Variants in ZNF704 observed in about 807,000 individuals in gnomAD.
ZNF704 encodes the protein zinc finger protein 704.
In ZNF704, 10 loss-of-function variants were observed where a neutral mutation model predicts 44.7. That is an observed-to-expected ratio of 0.22 (90% CI 0.14 to 0.38). The LOEUF (loss-of-function observed/expected upper bound fraction) is 0.38, where lower values mean the gene tolerates loss of function less well. ZNF704 is among the 10% of genes least tolerant of loss of function. ZNF704 has a pLI of 1.00. For synonymous variants in ZNF704, 211 were observed against 207.6 expected, an observed-to-expected ratio of 1.02 and a Z score of -0.14; for missense variants, 390 against 545.5, an observed-to-expected ratio of 0.71 and a Z score of 2.84.
At chr8:80,762,757 T>C (rs1807153392) in intron 2 of ZNF704, among the ~76,000 whole-genome samples, 1 of 152,198 alleles carries the variant, frequency 6.6e-6, no homozygotes, top group African/African-American at 2.4e-5. Context: ...ATTAACTCAA[T>C]GTCCAAGTCC....
chr8:80,829,798 G>C (rs1808438264), intron 1 of ZNF704, among the ~76,000 whole-genome samples: 1 of 152,070 alleles, frequency 6.6e-6, no homozygotes, highest in Non-Finnish European at 1.5e-5. Flanking sequence ...ATAGTAATCA[G>C]AGAAATTTAG....
intron 2 of ZNF704, among the ~76,000 whole-genome samples, chr8:80,783,629 TGAGAG>T (rs1002948477): frequency 2.6e-5 from 4 of 152,156 alleles, no homozygotes; most frequent in African/African-American, 4.8e-5. Flanking sequence ...ACAGAAAAAT[TGAGAG>T]GAAAGTACAG....
At chr8:80,757,911 G>A (rs1807064169) in intron 2 of ZNF704, among the ~76,000 whole-genome samples, 1 of 152,150 alleles carries the variant, frequency 6.6e-6, no homozygotes, top group African/African-American at 2.4e-5. Context: ...TATGATGCTT[G>A]CACAATGACA....
upstream of ZNF704, among the ~76,000 whole-genome samples, chr8:80,878,084 C>T (rs1052989323): frequency 6.6e-6 from 1 of 152,062 alleles, no homozygotes; most frequent in Non-Finnish European, 1.5e-5. Context: ...AGCACTGCTG[C>T]GGAAGAACGA....
chr8:80,879,055 C>T (rs959162398), upstream of ZNF704, among the ~76,000 whole-genome samples: 1 of 152,148 alleles, frequency 6.6e-6, no homozygotes, highest in Non-Finnish European at 1.5e-5. Context: ...GTTAAGTCCC[C>T]TGATCTCTGC....
chr8:80,796,985 GAGGGAGGAAGGA>G (rs1298738764), intron 2 of ZNF704, among the ~76,000 whole-genome samples: 3 of 113,098 alleles, frequency 2.7e-5, no homozygotes, highest in Non-Finnish European at 5.5e-5. Flanking sequence ...GGGAGGGAGG[GAGGGAGGAAGGA>G]AGGAAGCAAG....
At chr8:80,658,644 T>C (rs1362439567) in intron 7 of ZNF704, 1 of 152,238 alleles carries the variant, frequency 6.6e-6, no homozygotes, top group Non-Finnish European at 1.5e-5. Flanking sequence ...ATTTCCCAAA[T>C]TGCCTCTAGC....
chr8:80,754,082 C>T (rs534513523), intron 2 of ZNF704, among the ~76,000 whole-genome samples: 44 of 152,270 alleles, frequency 2.9e-4, no homozygotes, highest in Middle Eastern at 6.8e-3. Context: ...GCAAAACAAA[C>T]GTCTCTCCTG....
intron 1 of ZNF704, among the ~76,000 whole-genome samples, chr8:80,823,608 G>A (rs537969271): frequency 4.6e-5 from 7 of 152,286 alleles, no homozygotes; most frequent in African/African-American, 1.2e-4. Context: ...ATCTGCAAAC[G>A]TACAGTCTGC....
At chr8:80,719,850 AACTGGTTTCC>A (rs1819135027) in intron 2 of ZNF704, among the ~76,000 whole-genome samples, 2 of 152,240 alleles carry the variant, frequency 1.3e-5, no homozygotes, top group African/African-American at 2.4e-5. Flanking sequence ...TCCAGCTCCG[AACTGGTTTCC>A]ACATAATGGA....
At chr8:80,666,018 G>C (rs1818187019) in intron 5 of ZNF704, among the ~76,000 whole-genome samples, 1 of 151,634 alleles carries the variant, frequency 6.6e-6, no homozygotes, top group Non-Finnish European at 1.5e-5. Context: ...CATTGTGCAG[G>C]TTAGTTACAT....
At chr8:80,704,753 G>T (rs1050325863) in intron 2 of ZNF704, among the ~76,000 whole-genome samples, 2 of 152,204 alleles carry the variant, frequency 1.3e-5, no homozygotes, top group South Asian at 4.1e-4. Context: ...CCCAGGAAGG[G>T]CAGAGAAATG....
intron 7 of ZNF704, among the ~76,000 whole-genome samples, chr8:80,650,923 T>C (rs199817638): frequency 6.6e-6 from 1 of 152,166 alleles, no homozygotes; most frequent in Admixed American, 6.5e-5. Flanking sequence ...AGAGAAAGGT[T>C]GGGTTACCCA....
At chr8:80,729,318 G>A (rs1021527541) in intron 2 of ZNF704, among the ~76,000 whole-genome samples, 5 of 152,134 alleles carry the variant, frequency 3.3e-5, no homozygotes, top group Non-Finnish European at 5.9e-5. Flanking sequence ...CACAAAAGCC[G>A]GGTGGCCTCA....
intron 6 of ZNF704, among the ~76,000 whole-genome samples, chr8:80,662,251 T>A (rs1232244783): frequency 6.6e-6 from 1 of 152,196 alleles, no homozygotes; most frequent in Non-Finnish European, 1.5e-5. Context: ...ACAAAAAATA[T>A]TAACTAAGGT....
At chr8:80,646,860 T>A (rs1387853101) in intron 7 of ZNF704, among the ~76,000 whole-genome samples, 1 of 152,236 alleles carries the variant, frequency 6.6e-6, no homozygotes, top group Non-Finnish European at 1.5e-5. Flanking sequence ...TTAACAATTC[T>A]TGTAGAACTT....
At position 80,659,503 on chromosome 8, in the gene ZNF704, T is replaced by G. The variant is rs368724923; in HGVS notation, c.1032+82A>C. ...GGCATTCTGATGTTTGTATTTTTCTTGCATGCCTCTACTATTTGTTCGCTA... is the reference window on the plus strand; with the variant it reads ...GGCATTCTGATGTTTGTATTTTTCTGGCATGCCTCTACTATTTGTTCGCTA... On this transcript the variant is annotated intron_variant, in intron 7 of 8. Transcript: ENST00000327835. 154 of 1,080,748 alleles carry G rather than the reference T, an allele frequency of 1.4e-4. 1 individual carries two copies. In the Middle Eastern group the frequency reaches 2.0e-3, roughly 14 times the overall value. 66.9% of individuals were successfully genotyped at this position (1,080,748 alleles called of 1,614,324 possible).
chr8:80,629,567 G>A lies in ZNF704; in HGVS notation c.*11799C>T, dbSNP rs1817552275. 1.3e-5 allele frequency: 2 copies of A among 152,118 alleles called. No homozygotes were observed. Among genetic ancestry groups the A allele is most frequent in the South Asian group, 4.1e-4 (2 of 4,828 alleles). The allele number at this position is 152,118 out of a possible 1,614,324, so 9.4% of individuals were successfully genotyped here. A position where few individuals can be genotyped will look rare whatever the true frequency, so the allele number is the denominator to read the frequency against. On this transcript the variant is annotated 3_prime_UTR_variant, in exon 9 of 9. Transcript: ENST00000327835. ...AATGTAGTAAAGCACTGATTAAAGA[G>A]CGAAGACAAATTATTAGGGGAAAAA... is the stretch of plus-strand genomic sequence containing the variant.
At chr8:80,717,354 C>T (rs1206587311) in intron 2 of ZNF704, among the ~76,000 whole-genome samples, 6 of 152,212 alleles carry the variant, frequency 3.9e-5, no homozygotes, top group African/African-American at 1.4e-4. Flanking sequence ...GAGGATGCAG[C>T]GAGCTGCATT....
Sources: allele counts gnomAD v4.1 joint callset (sites outside exome capture counted in the v4.1 genomes callset), GRCh38; gene constraint gnomAD v4.1.1; transcripts MANE v1.5; gene names NCBI Gene and HGNC (gene_info 2026-07-23, HGNC 2026-07-21).